CNTNAP2: variants seen among roughly 807,000 people sequenced by gnomAD.
CNTNAP2 encodes contactin associated protein 2, also known as contactin-associated protein-like 2.
A neutral mutation model predicts 155.2 loss-of-function variants in CNTNAP2; 98 were observed. The observed-to-expected ratio is 0.63, with a 90% CI of 0.54 to 0.75. The LOEUF is 0.75. CNTNAP2 is among the 30% of genes least tolerant of loss of function. The probability of loss-of-function intolerance (pLI) is 0.00; values close to 1 mark genes in which losing one functional copy is unlikely to be tolerated. For missense variants in CNTNAP2, 1,727 were observed against 1,688.1 expected, an observed-to-expected ratio of 1.02 and a Z score of -0.40; for synonymous variants, 651 against 631.2, an observed-to-expected ratio of 1.03 and a Z score of -0.47.
At chr7:147,850,539 A>C (rs1308933072) in intron 13 of CNTNAP2, among the ~76,000 whole-genome samples, 26 of 152,348 alleles carry the variant, frequency 1.7e-4, no homozygotes, top group Non-Finnish European at 1.0e-4. Flanking sequence ...AGGCTACAGT[A>C]ACCAAAACAG....
At chr7:146,781,693 G>T (rs553290219) in intron 2 of CNTNAP2, among the ~76,000 whole-genome samples, 2 of 152,250 alleles carry the variant, frequency 1.3e-5, no homozygotes, top group Non-Finnish European at 2.9e-5. Flanking sequence ...CTCCTAGAAA[G>T]AAAATTTTTC....
intron 1 of CNTNAP2, among the ~76,000 whole-genome samples, chr7:146,547,149 T>C (rs1798041447): frequency 6.6e-6 from 1 of 151,922 alleles, no homozygotes; most frequent in Admixed American, 6.6e-5. Context: ...CTTATTCTAC[T>C]CCCAATGGCA....
chr7:146,822,022 C>T (rs570558107), intron 2 of CNTNAP2, among the ~76,000 whole-genome samples: 9 of 152,096 alleles, frequency 5.9e-5, no homozygotes, highest in East Asian at 1.9e-4. Flanking sequence ...CACATGCACA[C>T]GTATGTTTAT....
At chr7:146,326,512 G>GT in intron 1 of CNTNAP2, among the ~76,000 whole-genome samples, 1 of 152,248 alleles carries the variant, frequency 6.6e-6, no homozygotes, top group South Asian at 2.1e-4. Flanking sequence ...TGTAGGACAA[G>GT]ACTGTCGTAT....
At chr7:146,954,512 ATCAG>A (rs1797392718) in intron 3 of CNTNAP2, among the ~76,000 whole-genome samples, 1 of 151,998 alleles carries the variant, frequency 6.6e-6, no homozygotes, top group Admixed American at 6.6e-5. Context: ...GAATTGTTGA[ATCAG>A]TCAGGAATTT....
At chr7:147,598,884 C>T (rs1019011143) in intron 12 of CNTNAP2, among the ~76,000 whole-genome samples, 3 of 152,106 alleles carry the variant, frequency 2.0e-5, no homozygotes, top group African/African-American at 7.2e-5. Context: ...CTGCTCCCTC[C>T]TGCCACCATG....
chr7:146,721,875 G>GTGTA (rs1332551916), intron 1 of CNTNAP2, among the ~76,000 whole-genome samples: 1 of 76,702 alleles, frequency 1.3e-5, no homozygotes, highest in African/African-American at 1.8e-4. Flanking sequence ...GTGTGTGTGT[G>GTGTA]TATATATATA....
At chr7:146,581,367 TA>T (rs1306828849) in intron 1 of CNTNAP2, among the ~76,000 whole-genome samples, 2 of 152,124 alleles carry the variant, frequency 1.3e-5, no homozygotes, top group African/African-American at 4.8e-5. Flanking sequence ...ATTGCAATAA[TA>T]TGCAATGCTT....
At chr7:147,084,886 G>A (rs1215623508) in intron 4 of CNTNAP2, among the ~76,000 whole-genome samples, 1 of 149,588 alleles carries the variant, frequency 6.7e-6, no homozygotes, top group African/African-American at 2.5e-5. Context: ...TATATATGTA[G>A]CATGAGGTTG....
chr7:147,336,888 T>C (rs1367838145), intron 9 of CNTNAP2, among the ~76,000 whole-genome samples: 2 of 152,006 alleles, frequency 1.3e-5, no homozygotes, highest in African/African-American at 4.8e-5. Flanking sequence ...CCATGGAAAT[T>C]CCCTCTCAAT....
At chr7:146,948,020 T>G (rs1379490735) in intron 3 of CNTNAP2, among the ~76,000 whole-genome samples, 3 of 152,136 alleles carry the variant, frequency 2.0e-5, no homozygotes, top group Non-Finnish European at 4.4e-5. Flanking sequence ...ATATAAAAAG[T>G]TTTATGTTAC....
chr7:146,693,957 C>T (rs534062135), intron 1 of CNTNAP2, among the ~76,000 whole-genome samples: 56 of 151,968 alleles, frequency 3.7e-4, no homozygotes, highest in Admixed American at 3.4e-3. Flanking sequence ...CATTGTTCAG[C>T]TCCTAATTTT....
At chr7:148,022,105 CCA>C (rs1239944854) in intron 15 of CNTNAP2, among the ~76,000 whole-genome samples, 1 of 152,052 alleles carries the variant, frequency 6.6e-6, no homozygotes, top group African/African-American at 2.4e-5. Context: ...AGCCTCTGCC[CCA>C]ACCTGATCCA....
intron 13 of CNTNAP2, among the ~76,000 whole-genome samples, chr7:147,875,915 A>G (rs1000360142): frequency 6.6e-6 from 1 of 152,180 alleles, no homozygotes; most frequent in South Asian, 2.1e-4. Context: ...TTCAGTGAAT[A>G]AAATATTTGA....
intron 13 of CNTNAP2, among the ~76,000 whole-genome samples, chr7:147,792,283 T>G (rs1467644054): frequency 6.6e-6 from 1 of 152,154 alleles, no homozygotes; most frequent in African/African-American, 2.4e-5. Flanking sequence ...CCACAATCAA[T>G]TTTAGAATCG....
intron 11 of CNTNAP2, among the ~76,000 whole-genome samples, chr7:147,531,120 A>G (rs1186006295): frequency 6.6e-6 from 1 of 152,138 alleles, no homozygotes; most frequent in East Asian, 1.9e-4. Flanking sequence ...CTCCTCCCCT[A>G]TGGCTTTACA....
At chr7:147,733,214 G>A (rs1796775594) in intron 13 of CNTNAP2, among the ~76,000 whole-genome samples, 1 of 152,176 alleles carries the variant, frequency 6.6e-6, no homozygotes, top group Non-Finnish European at 1.5e-5. Context: ...TTTGTATAAG[G>A]TGTAAGGAAG....
chr7:146,388,539 T>C (rs1450458716), intron 1 of CNTNAP2, among the ~76,000 whole-genome samples: 2 of 152,150 alleles, frequency 1.3e-5, no homozygotes, highest in South Asian at 2.1e-4. Context: ...AGGCATGCAA[T>C]GTGGATAAGC....
intron 9 of CNTNAP2, among the ~76,000 whole-genome samples, chr7:147,319,613 G>C (rs1021503754): frequency 1.1e-4 from 16 of 152,234 alleles, no homozygotes; most frequent in African/African-American, 3.9e-4. Context: ...CCTGAGCTTA[G>C]GTAATTTGCC....
Sources: allele counts gnomAD v4.1 joint callset (sites outside exome capture counted in the v4.1 genomes callset), GRCh38; gene constraint gnomAD v4.1.1; transcripts MANE v1.5; gene names NCBI Gene and HGNC (gene_info 2026-07-23, HGNC 2026-07-21).